CRB1: variants seen among roughly 807,000 people sequenced by gnomAD.
CRB1 encodes the protein protein crumbs homolog 1.
Under a neutral mutation model 120.0 loss-of-function variants are expected in CRB1, and 83 were observed. That is an observed-to-expected ratio of 0.69 (90% CI 0.58 to 0.83). The LOEUF (loss-of-function observed/expected upper bound fraction) is 0.83. Among genes scored for constraint, CRB1 ranks in the 40% least tolerant of loss-of-function variants. The probability of loss-of-function intolerance (pLI) is 0.00; values close to 1 mark genes in which losing one functional copy is unlikely to be tolerated. For synonymous variants in CRB1, 625 were observed against 612.5 expected (o/e 1.02, Z -0.30); for missense variants, 1,699 against 1,687.6 (o/e 1.01, Z -0.12).
At chr1:197,414,450 A>C (rs1663869232) in intron 5 of CRB1, among the ~76,000 whole-genome samples, 1 of 152,172 alleles carries the variant, frequency 6.6e-6, no homozygotes, top group African/African-American at 2.4e-5. Flanking sequence ...TCTCAAGGAA[A>C]TATGAGATAT....
intron 11 of CRB1, among the ~76,000 whole-genome samples, chr1:197,464,475 T>A (rs1370254293): frequency 6.9e-6 from 1 of 144,024 alleles, no homozygotes; most frequent in Non-Finnish European, 1.5e-5. Context: ...AAGGGAAGTA[T>A]TTTTTTTTTT....
chr1:197,337,579 T>C (rs1659227687), intron 2 of CRB1, among the ~76,000 whole-genome samples: 1 of 152,204 alleles, frequency 6.6e-6, no homozygotes, highest in South Asian at 2.1e-4. Flanking sequence ...AAGAGTTAAT[T>C]GCCAATATTT....
chr1:197,429,565 C>T lies in CRB1; in HGVS notation c.2793C>T (p.Ser931=). ...ACEEVQWCGF[S]PCPHGAQCQP... The stretch of plus-strand genomic sequence containing the variant: ...AGGAGGTTCAGTGGTGTGGATTCAG[C>T]CCGTGTCCTCACGGAGCCCAGTGCC... The change falls in exon 8 of 12, where the codon AGC becomes AGT. Residue 931 remains serine (S), a synonymous_variant. Transcript: ENST00000367400. 6.2e-7 allele frequency: 1 copy of T among 1,613,998 alleles called. No homozygotes were observed. The highest frequency in any genetic ancestry group is 2.2e-5 in the East Asian group (1 of 44,862).
intron 6 of CRB1, among the ~76,000 whole-genome samples, chr1:197,424,053 A>G (rs1664461580): frequency 6.6e-6 from 1 of 152,156 alleles, no homozygotes; most frequent in Admixed American, 6.5e-5. Context: ...TACAAAAGCA[A>G]TTTACATATC....
At chr1:197,445,380 G>C (rs1041075217) in intron 11 of CRB1, among the ~76,000 whole-genome samples, 2 of 152,200 alleles carry the variant, frequency 1.3e-5, no homozygotes, top group Non-Finnish European at 2.9e-5. Context: ...TAGGAAAATA[G>C]AGAGAATAGG....
At chr1:197,354,118 G>C (rs939566614) in intron 4 of CRB1, among the ~76,000 whole-genome samples, 15 of 152,082 alleles carry the variant, frequency 9.9e-5, no homozygotes, top group African/African-American at 2.4e-4. Flanking sequence ...TATCCAACCA[G>C]CTGGTAAAAT....
chr1:197,239,087 A>G, the CRB1 span, among the ~76,000 whole-genome samples: 1 of 152,088 alleles, frequency 6.6e-6, no homozygotes, highest in Non-Finnish European at 1.5e-5. Flanking sequence ...ATCAAGCTCT[A>G]TATAATTTTA....
Position 197,428,237 on chromosome 1 carries a change from G to A in CRB1, c.2676+236G>A, listed in dbSNP as rs568787060. On this transcript the variant is annotated intron_variant, in intron 7 of 11. Transcript: ENST00000367400. ...CTATTTAACTAACCAAAGTAACTTC[G>A]GCTATAGGCTTCTCTCACCCTCACA... 4.6e-5 allele frequency among the ~76,000 whole-genome samples: 7 copies of A among 152,132 alleles called. No individual in the cohort carries two copies. The East Asian group carries it at 7.7e-4, about 17-fold the overall frequency.
At chr1:197,210,516 T>A in the CRB1 span, among the ~76,000 whole-genome samples, 1 of 152,106 alleles carries the variant, frequency 6.6e-6, no homozygotes, top group Non-Finnish European at 1.5e-5. Context: ...GGATTTCCCA[T>A]CTGTGGACCT....
At chr1:197,293,876 C>T (rs1656352695) in intron 1 of CRB1, among the ~76,000 whole-genome samples, 1 of 152,130 alleles carries the variant, frequency 6.6e-6, no homozygotes. Flanking sequence ...AAAGCTGAAA[C>T]TGGATCCCTT....
the CRB1 span, among the ~76,000 whole-genome samples, chr1:197,206,683 T>G: frequency 6.6e-6 from 1 of 152,154 alleles, no homozygotes; most frequent in African/African-American, 2.4e-5. Context: ...TCTTGGAGAA[T>G]GTACCATGTG....
the CRB1 span, among the ~76,000 whole-genome samples, chr1:197,259,493 A>G: frequency 6.6e-6 from 1 of 152,180 alleles, no homozygotes; most frequent in Non-Finnish European, 1.5e-5. Context: ...ACACATGGAC[A>G]CATGGAGGGA....
At chr1:197,255,060 T>A in the CRB1 span, among the ~76,000 whole-genome samples, 1 of 152,082 alleles carries the variant, frequency 6.6e-6, no homozygotes, top group Non-Finnish European at 1.5e-5. Flanking sequence ...GGCTGAGGTC[T>A]CTCATGGTCA....
intron 10 of CRB1, 167 bp downstream of exon 10, chr1:197,438,842 G>C: frequency 1.3e-6 from 1 of 743,182 alleles, no homozygotes; most frequent in Non-Finnish European, 2.1e-6. Context: ...AAAAACTACA[G>C]TTTAGGTCAA....
chr1:197,378,744 AAC>A (rs1480822996), intron 5 of CRB1, among the ~76,000 whole-genome samples: 1 of 152,228 alleles, frequency 6.6e-6, no homozygotes, highest in Non-Finnish European at 1.5e-5. Context: ...CTTTCAAAAT[AAC>A]AGTTTACTCT....
the CRB1 span, among the ~76,000 whole-genome samples, chr1:197,249,677 C>T: frequency 6.6e-6 from 1 of 151,810 alleles, no homozygotes; most frequent in Non-Finnish European, 1.5e-5. Context: ...TAAAATAAAA[C>T]TATTGGTGTG....
chr1:197,344,373 G>A lies in CRB1; in HGVS notation c.745G>A (p.Asp249Asn), dbSNP rs1461964160. ...CQDALGAYFC[D>N]CAPGFLGDHC... Reference sequence around the variant, plus strand: ...GGATGCTCTGGGGGCCTATTTCTGCGACTGTGCCCCTGGATTCCTGGGGGA... The same window carrying A: ...GGATGCTCTGGGGGCCTATTTCTGCAACTGTGCCCCTGGATTCCTGGGGGA... Residue 249 changes from aspartate to asparagine, a missense_variant, in exon 3 of 12, where the codon GAC becomes AAC. Physicochemically the swap from Asp to Asn is conservative, Grantham distance 23. Coordinates refer to ENST00000367400, the MANE Select transcript of CRB1 (RefSeq NM_201253.3). The A allele has an allele frequency of 9.3e-6, 15 of 1,613,916 alleles. No homozygotes were observed. The highest frequency in any genetic ancestry group is 1.7e-5 in the Admixed American group (1 of 59,992).
rs80286132 is a variant in CRB1, at chr1:197,354,066, T to G, written c.989-2765T>G. On this transcript the variant is annotated intron_variant, in intron 4 of 11. Transcript: ENST00000367400. The stretch of plus-strand genomic sequence containing the variant: ...CCAAAATGTTCAGCTCAATATTAAC[T>G]GGGGAAAACGTAAACCAAAGTAACA... Among the ~76,000 whole-genome samples, 593 of 149,356 alleles carry G rather than the reference T, an allele frequency of 4.0e-3. 27 individuals are homozygous for G. In the East Asian group the frequency reaches 0.099, roughly 25 times the overall value.
chr1:197,402,138 T>G (rs1363277124), intron 5 of CRB1, among the ~76,000 whole-genome samples: 1 of 152,188 alleles, frequency 6.6e-6, no homozygotes, highest in Non-Finnish European at 1.5e-5. Context: ...CAGATTATTT[T>G]GTCATGCAGG....
Sources: gnomAD v4.1 joint callset for allele counts (sites outside exome capture counted in the v4.1 genomes callset) on GRCh38, gnomAD v4.1.1 for gene constraint, MANE v1.5 for transcripts, NCBI Gene and HGNC (gene_info 2026-07-23, HGNC 2026-07-21) for gene names.